The following ODAD2 variants were observed in gnomAD, a reference collection of about 807,000 sequenced individuals.
The protein encoded by ODAD2 is outer dynein arm docking complex subunit 2.
In ODAD2, 89 loss-of-function variants were observed where a neutral mutation model predicts 106.8. The ratio of observed to expected loss-of-function variants is 0.83; its 90% CI spans 0.70 to 0.99. The LOEUF (loss-of-function observed/expected upper bound fraction) is 0.99. Among genes scored for constraint, ODAD2 ranks in the 50% least tolerant of loss-of-function variants. ODAD2 has a pLI of 0.00. For missense variants in ODAD2, 1,168 were observed against 1,238.5 expected (o/e 0.94, Z 0.85); for synonymous variants, 404 against 436.2 (o/e 0.93, Z 0.92).
chr10:27,896,237 A>G (rs1224099174), intron 17 of ODAD2, among the ~76,000 whole-genome samples: 1 of 152,230 alleles, frequency 6.6e-6, no homozygotes, highest in Non-Finnish European at 1.5e-5. Flanking sequence ...ATAAATGGAA[A>G]TATCTTCCTT....
intron 19 of ODAD2, among the ~76,000 whole-genome samples, chr10:27,858,673 T>C (rs933033657): frequency 6.6e-6 from 1 of 152,214 alleles, no homozygotes; most frequent in Non-Finnish European, 1.5e-5. Flanking sequence ...GTTTGGTCAC[T>C]TTACACGGTA....
At chr10:27,896,902 A>G (rs1196464896) in intron 17 of ODAD2, among the ~76,000 whole-genome samples, 1 of 152,098 alleles carries the variant, frequency 6.6e-6, no homozygotes, top group African/African-American at 2.4e-5. Flanking sequence ...AGAAAAAACT[A>G]TGAATCCTTT....
At chr10:27,985,458 A>G in intron 3 of ODAD2, among the ~76,000 whole-genome samples, 1 of 152,234 alleles carries the variant, frequency 6.6e-6, no homozygotes, top group East Asian at 1.9e-4. Context: ...CTAATAGCAC[A>G]AAGACCAAGA....
At chr10:27,882,221 G>GAAAT (rs982760383) in intron 17 of ODAD2, among the ~76,000 whole-genome samples, 87 of 150,964 alleles carry the variant, frequency 5.8e-4, no homozygotes, top group African/African-American at 2.1e-3. Flanking sequence ...AAGAAAGAAA[G>GAAAT]AAAGAAAGAA....
intron 16 of ODAD2, 124 bp downstream of exon 16, chr10:27,934,886 T>A: frequency 1.6e-6 from 2 of 1,230,148 alleles, no homozygotes; most frequent in Non-Finnish European, 2.3e-6. Flanking sequence ...TGATTATTTA[T>A]ATGACACACT....
intron 16 of ODAD2, among the ~76,000 whole-genome samples, chr10:27,914,268 G>A (rs1471754784): frequency 6.6e-6 from 1 of 151,962 alleles, no homozygotes; most frequent in African/African-American, 2.4e-5. Context: ...GCTGAGTTTG[G>A]TCCTTTAATT....
intron 17 of ODAD2, among the ~76,000 whole-genome samples, chr10:27,905,816 G>A (rs1843548089): frequency 6.6e-6 from 1 of 152,180 alleles, no homozygotes; most frequent in African/African-American, 2.4e-5. Context: ...CTAGCTATAT[G>A]CAGAAAACTG....
chr10:27,885,721 T>TAA (rs1842119465), intron 17 of ODAD2, among the ~76,000 whole-genome samples: 1 of 42,066 alleles, frequency 2.4e-5, no homozygotes, highest in Non-Finnish European at 4.8e-5. Flanking sequence ...ATATTATATA[T>TAA]TATATATAAA....
At chr10:27,854,434 ACCC>A (rs1222560693) in intron 19 of ODAD2, among the ~76,000 whole-genome samples, 3 of 152,174 alleles carry the variant, frequency 2.0e-5, no homozygotes, top group Admixed American at 2.0e-4. Flanking sequence ...ATTTGTAACA[ACCC>A]AAACCGGAAA....
intron 16 of ODAD2, among the ~76,000 whole-genome samples, chr10:27,928,449 T>A (rs1028081975): frequency 6.6e-6 from 1 of 152,108 alleles, no homozygotes; most frequent in African/African-American, 2.4e-5. Flanking sequence ...TTCCTGTCTC[T>A]ATTAATGCTA....
chr10:27,880,417 G>C (rs1006123587), intron 17 of ODAD2, among the ~76,000 whole-genome samples: 1 of 152,032 alleles, frequency 6.6e-6, no homozygotes, highest in African/African-American at 2.4e-5. Flanking sequence ...TCAAGACAGT[G>C]GTTCTCAAAT....
chr10:27,976,706 G>A (rs985844334), intron 7 of ODAD2, among the ~76,000 whole-genome samples: 16 of 152,118 alleles, frequency 1.1e-4, no homozygotes, highest in African/African-American at 3.1e-4. Flanking sequence ...AATCTCAACC[G>A]TAATTCCATC....
At chr10:27,829,070 G>T (rs1837282318) in intron 19 of ODAD2, among the ~76,000 whole-genome samples, 1 of 151,626 alleles carries the variant, frequency 6.6e-6, no homozygotes, top group Admixed American at 6.6e-5. Flanking sequence ...AATTAGAACA[G>T]ATATTATCCA....
chr10:27,912,544 G>A (rs1216094222), intron 16 of ODAD2, among the ~76,000 whole-genome samples: 2 of 152,150 alleles, frequency 1.3e-5, no homozygotes, highest in Admixed American at 1.3e-4. Context: ...GAACAAATGT[G>A]AACAGTTTGT....
intron 13 of ODAD2, 32 bp from the exon 14 acceptor site, chr10:27,940,039 C>G: frequency 6.9e-7 from 1 of 1,442,802 alleles, no homozygotes; most frequent in Non-Finnish European, 9.6e-7. Context: ...TTTATGTGTT[C>G]AAGACGTGAA....
At chr10:27,893,156 C>T (rs1842665885) in intron 17 of ODAD2, among the ~76,000 whole-genome samples, 1 of 149,454 alleles carries the variant, frequency 6.7e-6, no homozygotes, top group Admixed American at 6.7e-5. Context: ...CAGACTCCTT[C>T]TCAAAAAAAA....
chr10:27,825,735 A>G (rs1295123062), intron 19 of ODAD2, among the ~76,000 whole-genome samples: 1 of 152,214 alleles, frequency 6.6e-6, no homozygotes, highest in Non-Finnish European at 1.5e-5. Context: ...AGGTTATCAG[A>G]AGCTGGAGAT....
rs568063742 is a variant in ODAD2, at chr10:27,951,206, A to G, written c.1387-6244T>C. ...CAGTTTATCCAAAAATAATTTATAG[A>G]TTCATGTAAACCAACCAAAATGCCC... is the stretch of plus-strand genomic sequence containing the variant. On this transcript the variant is annotated intron_variant, in intron 10 of 19. Transcript: ENST00000305242. 2.0e-5 allele frequency among the ~76,000 whole-genome samples: 3 copies of G among 152,352 alleles called. No individual in the cohort carries two copies. In the South Asian group the frequency reaches 6.2e-4, roughly 32 times the overall value.
At chr10:27,982,617 T>C (rs186887741) in intron 6 of ODAD2, among the ~76,000 whole-genome samples, 221 of 152,288 alleles carry the variant, frequency 1.5e-3, no homozygotes, top group African/African-American at 4.9e-3. Flanking sequence ...AAGATAACTA[T>C]AGGTAATCAG....
Sources: allele counts gnomAD v4.1 joint callset (sites outside exome capture counted in the v4.1 genomes callset), GRCh38; gene constraint gnomAD v4.1.1; transcripts MANE v1.5; gene names NCBI Gene and HGNC (gene_info 2026-07-23, HGNC 2026-07-21).